Variants in ATP6V0A2 observed in about 807,000 individuals in gnomAD.
ATP6V0A2 encodes ATPase H+ transporting V0 subunit a2.
ATP6V0A2 carries 58 observed loss-of-function variants against 104.4 expected under a neutral mutation model. The observed-to-expected ratio is 0.56, with a 90% CI of 0.45 to 0.69. The LOEUF (loss-of-function observed/expected upper bound fraction) is 0.69, where lower values mean the gene tolerates loss of function less well. Ranked by LOEUF, ATP6V0A2 falls within the 30% of genes least tolerant of loss-of-function variation. The pLI is 0.00. For missense variants in ATP6V0A2, 938 were observed against 1,062.9 expected, an observed-to-expected ratio of 0.88 and a Z score of 1.63; for synonymous variants, 376 against 397.9, an observed-to-expected ratio of 0.95 and a Z score of 0.65.
intron 3 of ATP6V0A2, 112 bp from the exon 4 acceptor site, chr12:123,724,542 A>AT (rs1163974771): frequency 7.0e-5 from 84 of 1,195,324 alleles, no homozygotes; most frequent in Non-Finnish European, 7.1e-6. Flanking sequence ...AAAAAAAAAA[A>AT]GAAAAAAACA....
chr12:123,757,520 A>G (rs994708566), intron 19 of ATP6V0A2, among the ~76,000 whole-genome samples: 1 of 152,168 alleles, frequency 6.6e-6, no homozygotes, highest in Admixed American at 6.5e-5. Flanking sequence ...ATACTAACGT[A>G]TGTTTCATAC....
chr12:123,733,540 C>T (rs758584827), intron 6 of ATP6V0A2: 13 of 271,340 alleles, frequency 4.8e-5, no homozygotes, highest in South Asian at 2.1e-4. Flanking sequence ...GCCCTACACT[C>T]GGGGCTGTTT....
chr12:123,743,749 A>T, intron 9 of ATP6V0A2, 36 bp from the exon 10 acceptor site: 1 of 1,611,594 alleles, frequency 6.2e-7, no homozygotes, highest in Non-Finnish European at 8.5e-7. Context: ...TTCTTCTTGG[A>T]TAGTAATTTT....
chr12:123,719,489 C>T (rs1284135487), intron 2 of ATP6V0A2, among the ~76,000 whole-genome samples: 3 of 151,900 alleles, frequency 2.0e-5, no homozygotes, highest in Non-Finnish European at 1.5e-5. Context: ...TGGGTTCCAG[C>T]GATTCTCCTG....
intron 19 of ATP6V0A2, 142 bp from the exon 20 acceptor site, chr12:123,757,785 T>A: frequency 1.6e-6 from 1 of 638,960 alleles, no homozygotes; most frequent in Non-Finnish European, 2.7e-6. Context: ...AGTGTTTAGC[T>A]AAGTAAAAAT....
intron 17 of ATP6V0A2, among the ~76,000 whole-genome samples, chr12:123,752,973 G>A (rs368553914): frequency 3.9e-5 from 6 of 152,136 alleles, no homozygotes; most frequent in Non-Finnish European, 7.4e-5. Flanking sequence ...AGAGCAAAGC[G>A]CCCTTACCAG....
intron 16 of ATP6V0A2, 79 bp downstream of exon 16, chr12:123,751,308 C>T (rs1956712105): frequency 6.3e-7 from 1 of 1,597,006 alleles, no homozygotes; most frequent in Non-Finnish European, 8.6e-7. Flanking sequence ...TAGAAAACAC[C>T]TCCTGGAGGG....
At chr12:123,721,911 A>G (rs760478245) in intron 2 of ATP6V0A2, among the ~76,000 whole-genome samples, 1 of 152,214 alleles carries the variant, frequency 6.6e-6, no homozygotes, top group Non-Finnish European at 1.5e-5. Context: ...CAGCTCCCAT[A>G]GGGGCTATTG....
intron 15 of ATP6V0A2, 60 bp downstream of exon 15, chr12:123,748,845 T>G (rs1326043836): frequency 1.3e-6 from 2 of 1,499,820 alleles, no homozygotes; most frequent in African/African-American, 2.8e-5. Context: ...TCTTTTATTC[T>G]GAGCAGTAGA....
chr12:123,732,632 A>AT (rs55810827), intron 6 of ATP6V0A2: 3,709 of 143,818 alleles, frequency 0.026, 138 homozygotes, highest in African/African-American at 0.068. Flanking sequence ...CACCTCCTGC[A>AT]TTTTTTTTTT....
chr12:123,714,443 G>A lies in ATP6V0A2; in HGVS notation c.117+1761G>A, dbSNP rs116676239. Among the ~76,000 whole-genome samples the A allele has an allele frequency of 3.5e-3, 538 of 152,302 alleles. 3 individuals carry two copies. The highest frequency in any genetic ancestry group is 0.012 in the African/African-American group (496 of 41,570). On this transcript the variant is annotated intron_variant, in intron 1 of 19. Transcript: ENST00000330342. ...AGTAACCCTTGCAAGGGAAAGGGGGGCAGGTGGTGACTTCCGTGGTGACAG... is the reference window on the plus strand; with the variant it reads ...AGTAACCCTTGCAAGGGAAAGGGGGACAGGTGGTGACTTCCGTGGTGACAG...
chr12:123,716,359 G>C (rs776752722), intron 1 of ATP6V0A2, among the ~76,000 whole-genome samples: 48 of 152,108 alleles, frequency 3.2e-4, no homozygotes, highest in Non-Finnish European at 5.0e-4. Flanking sequence ...GAGCCACCAG[G>C]CCTGGCCTAG....
chr12:123,715,680 A>G (rs1191538715), intron 1 of ATP6V0A2, among the ~76,000 whole-genome samples: 15 of 152,244 alleles, frequency 9.9e-5, no homozygotes, highest in Non-Finnish European at 1.5e-5. Context: ...TGGAAAACAT[A>G]AGAATAGTAA....
chr12:123,738,303 G>A (rs1956575549), intron 9 of ATP6V0A2, among the ~76,000 whole-genome samples: 1 of 152,006 alleles, frequency 6.6e-6, no homozygotes, highest in Non-Finnish European at 1.5e-5. Flanking sequence ...TTGGGAGGCT[G>A]AGGCAGGAGA....
chr12:123,730,155 C>T (rs915811696), intron 6 of ATP6V0A2, among the ~76,000 whole-genome samples: 1 of 149,104 alleles, frequency 6.7e-6, no homozygotes, highest in Non-Finnish European at 1.5e-5. Flanking sequence ...CCTGGGTTCA[C>T]GCCATTCTCC....
At chr12:123,738,495 A>G (rs1352405688) in intron 9 of ATP6V0A2, among the ~76,000 whole-genome samples, 1 of 152,028 alleles carries the variant, frequency 6.6e-6, no homozygotes, top group Non-Finnish European at 1.5e-5. Flanking sequence ...TTTCTTACCA[A>G]TTTCTGTTGG....
At chr12:123,749,618 G>A (rs1233710898) in intron 15 of ATP6V0A2, among the ~76,000 whole-genome samples, 1 of 152,216 alleles carries the variant, frequency 6.6e-6, no homozygotes, top group Non-Finnish European at 1.5e-5. Context: ...AAGTGCGTAC[G>A]AACGTGCTTG....
At chr12:123,722,486 T>A in intron 3 of ATP6V0A2, 38 bp downstream of exon 3, 2 of 1,167,460 alleles carry the variant, frequency 1.7e-6, no homozygotes, top group Middle Eastern at 1.9e-4. Context: ...CAGCCATTGA[T>A]CTTGGGGGCT....
intron 13 of ATP6V0A2, among the ~76,000 whole-genome samples, chr12:123,746,269 G>A (rs1213427885): frequency 6.6e-6 from 1 of 151,872 alleles, no homozygotes; most frequent in Non-Finnish European, 1.5e-5. Flanking sequence ...TTTAAACTAG[G>A]CATTACATTA....
Sources: allele counts gnomAD v4.1 joint callset (sites outside exome capture counted in the v4.1 genomes callset), GRCh38; gene constraint gnomAD v4.1.1; transcripts MANE v1.5; gene names NCBI Gene and HGNC (gene_info 2026-07-23, HGNC 2026-07-21).